Variants in IL17F observed in about 807,000 individuals in gnomAD.
IL17F encodes the protein interleukin 17F.
In IL17F, 6 loss-of-function variants were observed where a neutral mutation model predicts 8.3. That is an observed-to-expected ratio of 0.73 (90% CI 0.40 to 1.43). The LOEUF is 1.43. Among genes scored for constraint, IL17F ranks in the 40% most tolerant of loss-of-function variants. IL17F has a pLI of 0.02. For missense variants in IL17F, 204 were observed against 209.6 expected (o/e 0.97, Z 0.17); for synonymous variants, 98 against 81.6 (o/e 1.20, Z -1.08).
At chr6:52,244,588 G>A (rs11465538), upstream of IL17F, 31,123 of 717,118 alleles carry the variant, frequency 0.043, 1,001 homozygotes, top group Non-Finnish European at 0.057. Context: ...TGGTTGACCC[G>A]GAGTTACTGA....
intron 1 of IL17F, among the ~76,000 whole-genome samples, chr6:52,240,203 G>A (rs924798677): frequency 6.6e-6 from 1 of 152,148 alleles, no homozygotes; most frequent in Non-Finnish European, 1.5e-5. Flanking sequence ...TTGGGAAGCC[G>A]AGGTGGGTGG....
chr6:52,240,438 G>GAAAAAAA (rs34052816), intron 1 of IL17F, among the ~76,000 whole-genome samples: 1 of 96,368 alleles, frequency 1.0e-5, no homozygotes, highest in Non-Finnish European at 2.0e-5. Flanking sequence ...CTCCTGCTTG[G>GAAAAAAA]AAAAAAAAAA....
intron 1 of IL17F, among the ~76,000 whole-genome samples, chr6:52,242,589 C>A (rs1428184972): frequency 6.6e-6 from 1 of 152,182 alleles, no homozygotes; most frequent in Non-Finnish European, 1.5e-5. Context: ...TTTAAATTCA[C>A]AAATCTTGCC....
At chr6:52,241,993 G>T (rs1005527862) in intron 1 of IL17F, among the ~76,000 whole-genome samples, 2 of 152,176 alleles carry the variant, frequency 1.3e-5, no homozygotes, top group Non-Finnish European at 2.9e-5. Context: ...GATGATGTCT[G>T]CAAATACTCC....
At chr6:52,244,311 C>T in intron 1 of IL17F, 86 bp downstream of exon 1, 1 of 1,277,278 alleles carries the variant, frequency 7.8e-7, no homozygotes, top group Non-Finnish European at 1.1e-6. Context: ...CCAAAAAGAC[C>T]CCAATCAAAC....
chr6:52,239,103 C>G, intron 1 of IL17F, 153 bp from the exon 2 acceptor site: 1 of 710,106 alleles, frequency 1.4e-6, no homozygotes, highest in South Asian at 1.6e-5. Flanking sequence ...GGAACACTCA[C>G]ACCTAAAGGT....
chr6:52,242,307 G>T (rs559674523), intron 1 of IL17F, among the ~76,000 whole-genome samples: 1 of 152,314 alleles, frequency 6.6e-6, no homozygotes, highest in South Asian at 2.1e-4. Flanking sequence ...GCTCACCTGA[G>T]CAACCTGAAC....
rs1764015180 is a variant in IL17F, at chr6:52,238,797, T to C, written c.187A>G (p.Asn63Asp). The change falls in exon 2 of 3, where the codon AAT becomes GAT. Residue 63 changes from asparagine (N) to aspartate (D), a missense_variant. Coordinates refer to ENST00000336123, the MANE Select transcript of IL17F (RefSeq NM_052872.4). Reference protein sequence around the residue: ...GSMKLDIGIINENQRVSMSRN... With the variant: ...GSMKLDIGIIDENQRVSMSRN... ...GACATGGAAACGCGCTGGTTTTCAT[T>C]GATGATGCCAATGTCAAGCTTCATA... is the stretch of plus-strand genomic sequence containing the variant. The C allele has an allele frequency of 6.2e-7, 1 of 1,614,156 alleles. No homozygotes were observed. Among genetic ancestry groups the C allele is most frequent in the Non-Finnish European group, 8.5e-7 (1 of 1,180,020 alleles).
rs573463718 is a variant in IL17F, at chr6:52,239,683, A to G, written c.34-733T>C. Among the ~76,000 whole-genome samples, 78 of 152,354 alleles carry G rather than the reference A, an allele frequency of 5.1e-4. No homozygotes were observed. The Middle Eastern group carries it at 0.01, about 20-fold the overall frequency. Reference sequence around the variant, plus strand: ...TGTTCCTGTCAGATCTACACCCATTAGATTGTAAGTTCCTGCATATTACAC... The same window carrying G: ...TGTTCCTGTCAGATCTACACCCATTGGATTGTAAGTTCCTGCATATTACAC... On this transcript the variant is annotated intron_variant, in intron 1 of 2. Coordinates refer to ENST00000336123, the MANE Select transcript of IL17F (RefSeq NM_052872.4).
Position 52,238,653 on chromosome 6 carries a change from A to G in IL17F, c.254+77T>C, listed in dbSNP as rs1026411103. On this transcript the variant is annotated intron_variant, in intron 2 of 2. Coordinates refer to ENST00000336123, the MANE Select transcript of IL17F (RefSeq NM_052872.4). Reference sequence around the variant, plus strand: ...CCCTTTTATTTTTTCTATGTATTCTACATTTTCTACTTTATGATTAGAATG... The same window carrying G: ...CCCTTTTATTTTTTCTATGTATTCTGCATTTTCTACTTTATGATTAGAATG... 1.3e-5 allele frequency: 16 copies of G among 1,247,776 alleles called. No homozygotes were observed. In the African/African-American group the frequency reaches 1.3e-4, roughly 10 times the overall value. 77.3% of individuals were successfully genotyped at this position (1,247,776 alleles called of 1,614,324 possible). A position where few individuals can be genotyped will look rare whatever the true frequency, so the allele number is the denominator to read the frequency against.
At chr6:52,239,039 T>C (rs1258447386) in intron 1 of IL17F, 89 bp from the exon 2 acceptor site, 1 of 1,148,298 alleles carries the variant, frequency 8.7e-7, no homozygotes, top group Non-Finnish European at 1.3e-6. Flanking sequence ...AGCATTCCTG[T>C]CCTTTTATGG....
intron 2 of IL17F, among the ~76,000 whole-genome samples, chr6:52,237,819 T>C (rs181815032): frequency 1.3e-4 from 20 of 152,144 alleles, no homozygotes; most frequent in African/African-American, 4.6e-4. Flanking sequence ...AAGGCCACCA[T>C]GCACAGCCAA....
intron 2 of IL17F, among the ~76,000 whole-genome samples, chr6:52,237,482 A>T (rs1763985562): frequency 6.6e-6 from 1 of 152,146 alleles, no homozygotes; most frequent in East Asian, 1.9e-4. Context: ...TTAACATTAG[A>T]TCTTTCATTG....
upstream of IL17F, among the ~76,000 whole-genome samples, chr6:52,245,287 C>T (rs1764142525): frequency 6.6e-6 from 1 of 152,188 alleles, no homozygotes; most frequent in Non-Finnish European, 1.5e-5. Context: ...ATCCCACAGG[C>T]TGAAGGCTCA....
At chr6:52,237,765 G>T (rs1395608632) in intron 2 of IL17F, among the ~76,000 whole-genome samples, 1 of 151,974 alleles carries the variant, frequency 6.6e-6, no homozygotes, top group Admixed American at 6.6e-5. Flanking sequence ...GTTACTTGAG[G>T]GTGTGTGTCC....
chr6:52,236,787 G>T lies in IL17F; in HGVS notation c.*144C>A. On this transcript the variant is annotated 3_prime_UTR_variant, in exon 3 of 3. Coordinates refer to ENST00000336123, the MANE Select transcript of IL17F (RefSeq NM_052872.4). ...TGTAGTACATACACACATACATTGT[G>T]AATATTTTCTGTTTCCATCCGTGCA... 1.3e-6 allele frequency: 1 copy of T among 759,970 alleles called. No homozygotes were observed. Among genetic ancestry groups the T allele is most frequent in the Non-Finnish European group, 2.4e-6 (1 of 414,538 alleles). 47.1% of individuals were successfully genotyped at this position (759,970 alleles called of 1,614,324 possible).
At chr6:52,243,313 A>G (rs1026773258) in intron 1 of IL17F, among the ~76,000 whole-genome samples, 1 of 152,224 alleles carries the variant, frequency 6.6e-6, no homozygotes, top group Non-Finnish European at 1.5e-5. Flanking sequence ...AATTCTTCTC[A>G]GGCCTTATCT....
intron 1 of IL17F, among the ~76,000 whole-genome samples, chr6:52,240,438 G>GAA (rs34052816): frequency 0.1 from 9,643 of 96,132 alleles, 623 homozygotes; most frequent in Non-Finnish European, 0.14. Context: ...CTCCTGCTTG[G>GAA]AAAAAAAAAA....
intron 1 of IL17F, among the ~76,000 whole-genome samples, chr6:52,242,154 T>C (rs1188701415): frequency 2.0e-5 from 3 of 152,230 alleles, no homozygotes; most frequent in South Asian, 4.1e-4. Context: ...TGAACTCTTA[T>C]ATGCCACCTA....
Sources: allele counts gnomAD v4.1 joint callset (sites outside exome capture counted in the v4.1 genomes callset), GRCh38; gene constraint gnomAD v4.1.1; transcripts MANE v1.5; gene names NCBI Gene and HGNC (gene_info 2026-07-23, HGNC 2026-07-21).